Variants in GMDS observed in about 807,000 individuals in gnomAD.
GMDS encodes GDP-mannose 4,6 dehydratase.
A neutral mutation model predicts 49.9 loss-of-function variants in GMDS; 20 were observed. That is an observed-to-expected ratio of 0.40 (90% CI 0.28 to 0.58). The LOEUF (loss-of-function observed/expected upper bound fraction) is 0.58, where lower values mean the gene tolerates loss of function less well. Ranked by LOEUF, GMDS falls within the 20% of genes least tolerant of loss-of-function variation. The pLI, the probability that GMDS is intolerant of heterozygous loss-of-function variation, is 0.42. For missense variants in GMDS, 362 were observed against 481.4 expected (o/e 0.75, Z 2.32); for synonymous variants, 177 against 178.6 (o/e 0.99, Z 0.07).
intron 4 of GMDS, among the ~76,000 whole-genome samples, chr6:2,112,761 G>A (rs1184682046): frequency 6.6e-6 from 1 of 152,078 alleles, no homozygotes; most frequent in East Asian, 1.9e-4. Flanking sequence ...AACTGGCAAG[G>A]CCGGTGACTT....
intron 4 of GMDS, among the ~76,000 whole-genome samples, chr6:2,004,430 T>A (rs1007532654): frequency 6.6e-6 from 1 of 152,210 alleles, no homozygotes; most frequent in African/African-American, 2.4e-5. Flanking sequence ...AATGTAGCCA[T>A]TTTTTGAATT....
intron 4 of GMDS, among the ~76,000 whole-genome samples, chr6:1,967,678 C>T (rs142812378): frequency 2.5e-3 from 382 of 152,260 alleles, no homozygotes; most frequent in Non-Finnish European, 4.4e-3. Context: ...AAAGACACTG[C>T]GATGGGATAT....
intron 9 of GMDS, among the ~76,000 whole-genome samples, chr6:1,657,252 CCAGA>C (rs1428075444): frequency 2.6e-5 from 4 of 152,198 alleles, no homozygotes; most frequent in African/African-American, 7.2e-5. Flanking sequence ...ACATTCTTCC[CCAGA>C]CAGAGTGGAG....
chr6:1,840,172 G>C (rs1561838834), intron 7 of GMDS, among the ~76,000 whole-genome samples: 1 of 152,114 alleles, frequency 6.6e-6, no homozygotes, highest in African/African-American at 2.4e-5. Context: ...GGGCTAGAAA[G>C]GGCCCTCATT....
chr6:1,996,239 T>C (rs1004710775), intron 4 of GMDS, among the ~76,000 whole-genome samples: 2 of 151,950 alleles, frequency 1.3e-5, no homozygotes, highest in African/African-American at 4.8e-5. Context: ...CCCCAACAAC[T>C]GCTTCAAGCA....
intron 1 of GMDS, among the ~76,000 whole-genome samples, chr6:2,214,968 A>C (rs1386859868): frequency 4.6e-5 from 7 of 152,250 alleles, no homozygotes; most frequent in Admixed American, 1.3e-4. Context: ...CCAAGACATC[A>C]CATGCTTCTT....
intron 7 of GMDS, among the ~76,000 whole-genome samples, chr6:1,824,439 T>C (rs566816541): frequency 1.3e-5 from 2 of 152,264 alleles, no homozygotes; most frequent in Non-Finnish European, 2.9e-5. Context: ...AAATTAACTA[T>C]TCACATTCCC....
chr6:2,122,587 T>A (rs557408684), intron 2 of GMDS, among the ~76,000 whole-genome samples: 1 of 152,370 alleles, frequency 6.6e-6, no homozygotes, highest in African/African-American at 2.4e-5. Flanking sequence ...TAACATTTAC[T>A]TTGACCTAAG....
chr6:2,020,316 AAAATAAATT>A (rs1475794624), intron 4 of GMDS, among the ~76,000 whole-genome samples: 11 of 151,896 alleles, frequency 7.2e-5, no homozygotes, highest in African/African-American at 2.6e-4. Context: ...ATAAATAAAT[AAAATAAATT>A]AAATAAATTA....
intron 1 of GMDS, among the ~76,000 whole-genome samples, chr6:2,207,329 C>T (rs1779851066): frequency 6.6e-6 from 1 of 151,960 alleles, no homozygotes. Flanking sequence ...TTCCTTTAAG[C>T]AGGCTTTCCA....
At chr6:1,937,326 A>G (rs574739005) in intron 6 of GMDS, among the ~76,000 whole-genome samples, 1 of 152,346 alleles carries the variant, frequency 6.6e-6, no homozygotes, top group African/African-American at 2.4e-5. Flanking sequence ...AAAAGCTTCA[A>G]CATTCTGTTA....
At chr6:1,851,939 T>C (rs1269681471) in intron 7 of GMDS, among the ~76,000 whole-genome samples, 1 of 152,102 alleles carries the variant, frequency 6.6e-6, no homozygotes, top group Non-Finnish European at 1.5e-5. Flanking sequence ...GCAGCTTCTG[T>C]GACCATGGGT....
intron 7 of GMDS, among the ~76,000 whole-genome samples, chr6:1,878,240 G>A (rs1348074360): frequency 3.3e-5 from 5 of 150,682 alleles, no homozygotes; most frequent in African/African-American, 4.9e-5. Flanking sequence ...GCATGAACCT[G>A]GGAGGCGGAG....
Position 1,951,892 on chromosome 6 carries a change from G to A in GMDS, c.643+7975C>T, listed in dbSNP as rs147510912. On this transcript the variant is annotated intron_variant, in intron 6 of 10. Transcript: ENST00000380815. ...GTCTTTTACAAAGATAAGAGCAGCT[G>A]AGACATTCCGTTTCCAACTTGTCCA... The A allele has an allele frequency of 5.0e-4, 497 of 985,238 alleles. No homozygotes were observed. In the African/African-American group the frequency reaches 7.9e-3, roughly 16 times the overall value. The allele number at this position is 985,238 out of a possible 1,614,324, so 61.0% of individuals were successfully genotyped here. A position where few individuals can be genotyped will look rare whatever the true frequency, so the allele number is the denominator to read the frequency against.
At chr6:2,080,071 G>T (rs1415905312) in intron 4 of GMDS, among the ~76,000 whole-genome samples, 1 of 152,058 alleles carries the variant, frequency 6.6e-6, no homozygotes, top group Non-Finnish European at 1.5e-5. Context: ...TGAGTTGTCA[G>T]ATTCCTTCTT....
intron 9 of GMDS, among the ~76,000 whole-genome samples, chr6:1,644,599 G>A (rs1763431459): frequency 6.6e-6 from 1 of 152,182 alleles, no homozygotes; most frequent in Admixed American, 6.5e-5. Context: ...TCTCCTGTCG[G>A]GAGGAGCCAG....
chr6:1,659,001 A>G (rs1198629112), intron 9 of GMDS, among the ~76,000 whole-genome samples: 1 of 152,160 alleles, frequency 6.6e-6, no homozygotes, highest in Non-Finnish European at 1.5e-5. Flanking sequence ...AAAACCCAAA[A>G]CAACTTTCTG....
intron 1 of GMDS, among the ~76,000 whole-genome samples, chr6:2,217,446 T>A (rs764858467): frequency 1.2e-4 from 19 of 152,196 alleles, no homozygotes; most frequent in Non-Finnish European, 2.4e-4. Flanking sequence ...TAAGTGAAGG[T>A]TTATGTTTGT....
intron 9 of GMDS, among the ~76,000 whole-genome samples, chr6:1,673,191 T>G (rs1158942180): frequency 1.3e-5 from 2 of 152,180 alleles, no homozygotes; most frequent in African/African-American, 4.8e-5. Context: ...CTGTCCAGCC[T>G]GCTCATCCTC....
Sources: allele counts gnomAD v4.1 joint callset (sites outside exome capture counted in the v4.1 genomes callset), GRCh38; gene constraint gnomAD v4.1.1; transcripts MANE v1.5; gene names NCBI Gene and HGNC (gene_info 2026-07-23, HGNC 2026-07-21).